The following ASXL3 variants were observed in gnomAD, a reference collection of about 807,000 sequenced individuals.
ASXL3 encodes the protein ASXL transcriptional regulator 3, also known as putative Polycomb group protein ASXL3.
ASXL3 carries 34 observed loss-of-function variants against 170.6 expected under a neutral mutation model. The ratio of observed to expected loss-of-function variants is 0.20; its 90% confidence interval spans 0.15 to 0.27. The LOEUF (loss-of-function observed/expected upper bound fraction) is 0.27, where lower values mean the gene tolerates loss of function less well. ASXL3 is among the 10% of genes least tolerant of loss of function. ASXL3 has a pLI of 1.00. For synonymous variants in ASXL3, 1,002 were observed against 989.1 expected, an observed-to-expected ratio of 1.01 and a Z score of -0.24; for missense variants, 2,592 against 2,695.3, an observed-to-expected ratio of 0.96 and a Z score of 0.85.
intron 8 of ASXL3, among the ~76,000 whole-genome samples, chr18:33,726,189 A>G (rs537752270): frequency 6.6e-6 from 1 of 152,172 alleles, no homozygotes; most frequent in South Asian, 2.1e-4. Context: ...AATTCTTGAT[A>G]TCAGCCTTGC....
chr18:33,687,176 A>T (rs1471318350), intron 8 of ASXL3, among the ~76,000 whole-genome samples: 2 of 152,212 alleles, frequency 1.3e-5, no homozygotes, highest in Non-Finnish European at 2.9e-5. Context: ...ATTTTATAGC[A>T]AGAAATTTAG....
At chr18:33,686,551 G>A (rs909738121) in intron 8 of ASXL3, among the ~76,000 whole-genome samples, 6 of 152,124 alleles carry the variant, frequency 3.9e-5, no homozygotes, top group African/African-American at 1.2e-4. Flanking sequence ...CTTGAGTAGA[G>A]CCAAAGAAAA....
chr18:33,607,491 C>T (rs2065267644), intron 1 of ASXL3, 103 bp from the exon 2 acceptor site: 2 of 932,442 alleles, frequency 2.1e-6, no homozygotes, highest in Admixed American at 2.4e-5. Flanking sequence ...ATGTAAAAGC[C>T]CCTTCCCCTC....
At chr18:33,656,608 C>T (rs1381862076) in intron 4 of ASXL3, among the ~76,000 whole-genome samples, 1 of 151,906 alleles carries the variant, frequency 6.6e-6, no homozygotes, top group Non-Finnish European at 1.5e-5. Flanking sequence ...ATTTTTATTT[C>T]CCCATGCAAA....
At chr18:33,622,397 T>G (rs2040202) in intron 2 of ASXL3, among the ~76,000 whole-genome samples, 29,300 of 152,126 alleles carry the variant, frequency 0.19, 3,292 homozygotes, top group African/African-American at 0.31. Flanking sequence ...ACCCTTTGCA[T>G]TTAATTTAAA....
At chr18:33,684,055 T>A (rs1239959532) in intron 8 of ASXL3, among the ~76,000 whole-genome samples, 3 of 152,196 alleles carry the variant, frequency 2.0e-5, no homozygotes, top group African/African-American at 4.8e-5. Flanking sequence ...TTACCATTTT[T>A]AAAATATAAC....
chr18:33,694,487 A>G (rs781072916), intron 8 of ASXL3, among the ~76,000 whole-genome samples: 3 of 151,972 alleles, frequency 2.0e-5, no homozygotes, highest in Non-Finnish European at 4.4e-5. Flanking sequence ...CATCGATATC[A>G]TTTTTACTTG....
At chr18:33,738,342 C>T in intron 10 of ASXL3, 145 bp from the exon 11 acceptor site, 1 of 847,466 alleles carries the variant, frequency 1.2e-6, no homozygotes, top group East Asian at 2.7e-5. Flanking sequence ...TCATTGTAAA[C>T]TGGTTTACAT....
chr18:33,676,619 A>G (rs908071580), intron 7 of ASXL3, among the ~76,000 whole-genome samples: 1 of 152,364 alleles, frequency 6.6e-6, no homozygotes, highest in South Asian at 2.1e-4. Context: ...GGACTCCTTT[A>G]TTATAGACCT....
chr18:33,681,583 TA>T, intron 7 of ASXL3, among the ~76,000 whole-genome samples: 1 of 152,130 alleles, frequency 6.6e-6, no homozygotes, highest in South Asian at 2.1e-4. Context: ...AATTTTTTGT[TA>T]AAAATGGTTT....
chr18:33,689,339 T>C (rs8098989), intron 8 of ASXL3, among the ~76,000 whole-genome samples: 103,855 of 152,152 alleles, frequency 0.68, 36,686 homozygotes, highest in East Asian at 0.98. Flanking sequence ...CTTACATAAG[T>C]ACAGTGTAAC....
chr18:33,590,111 G>GTTTTTTTTTTTTTTTTTTTGTTTTTTT (rs2065065376), intron 1 of ASXL3, among the ~76,000 whole-genome samples: 1 of 83,184 alleles, frequency 1.2e-5, no homozygotes, highest in Admixed American at 1.2e-4. Flanking sequence ...TGCTTTCTAT[G>GTTTTTTTTTTTTTTTTTTTGTTTTTTT]TTTTTTTTTT....
At chr18:33,632,683 A>G (rs1386634149) in intron 2 of ASXL3, among the ~76,000 whole-genome samples, 3 of 152,104 alleles carry the variant, frequency 2.0e-5, no homozygotes, top group South Asian at 2.1e-4. Context: ...TTGTCTTTGC[A>G]TGTATTTCTT....
chr18:33,703,056 G>A (rs564813779), intron 8 of ASXL3, among the ~76,000 whole-genome samples: 1 of 152,204 alleles, frequency 6.6e-6, no homozygotes, highest in Non-Finnish European at 1.5e-5. Context: ...AGGTGGTTCA[G>A]GTCCCAAGGG....
intron 8 of ASXL3, among the ~76,000 whole-genome samples, chr18:33,700,160 G>A (rs1340036214): frequency 6.6e-6 from 1 of 152,024 alleles, no homozygotes; most frequent in African/African-American, 2.4e-5. Context: ...ATTTTTTCAT[G>A]TGGCAGAGGA....
chr18:33,652,803 C>T (rs2066022501), intron 4 of ASXL3, among the ~76,000 whole-genome samples: 1 of 151,908 alleles, frequency 6.6e-6, no homozygotes, highest in Non-Finnish European at 1.5e-5. Flanking sequence ...TCTTTGTTTT[C>T]ATTGGCTCAG....
At position 33,744,540 on chromosome 18, in the gene ASXL3, T is replaced by C. The variant is rs2067733991; in HGVS notation, c.4692T>C (p.Leu1564=). The part of the protein sequence containing the change: ...ATCTSLRELP[L]VPDKLNEPTA... ...GCACAAGTCTCCGAGAATTACCCCT[T>C]GTTCCAGATAAATTAAATGAGCCGA... The change falls in exon 12 of 12, where the codon CTT becomes CTC. Residue 1564 remains leucine, a synonymous_variant. Coordinates refer to ENST00000269197, the MANE Select transcript of ASXL3 (RefSeq NM_030632.3). 2 of 1,612,056 alleles carry C rather than the reference T, an allele frequency of 1.2e-6. No individual in the cohort carries two copies.
chr18:33,598,256 C>T lies in ASXL3; in HGVS notation c.55-9338C>T, dbSNP rs547912110. On this transcript the variant is annotated intron_variant, in intron 1 of 11. Transcript: ENST00000269197. ...TAATCTTGATTTAATCATATTAGAT[C>T]TTGGGAAGATTGTCTACTTTAATTA... 2.0e-5 allele frequency among the ~76,000 whole-genome samples: 3 copies of T among 152,136 alleles called. No individual in the cohort carries two copies. In the East Asian group the frequency reaches 5.8e-4, roughly 29 times the overall value.
intron 7 of ASXL3, among the ~76,000 whole-genome samples, chr18:33,677,796 A>T (rs1268859307): frequency 2.0e-5 from 3 of 152,156 alleles, no homozygotes; most frequent in Non-Finnish European, 4.4e-5. Flanking sequence ...ACGTGGATTC[A>T]TGTTGTGTAT....
Sources: allele counts gnomAD v4.1 joint callset (sites outside exome capture counted in the v4.1 genomes callset), GRCh38; gene constraint gnomAD v4.1.1; transcripts MANE v1.5; gene names NCBI Gene and HGNC (gene_info 2026-07-23, HGNC 2026-07-21).